THSD4: variants seen among roughly 807,000 people sequenced by gnomAD.
The protein encoded by THSD4 is thrombospondin type 1 domain containing 4, also known as thrombospondin type-1 domain-containing protein 4.
Under a neutral mutation model 119.0 loss-of-function variants are expected in THSD4, and 69 were observed. The observed-to-expected ratio is 0.58, with a 90% confidence interval of 0.48 to 0.71. The LOEUF (loss-of-function observed/expected upper bound fraction) is 0.71. Among genes scored for constraint, THSD4 ranks in the 30% least tolerant of loss-of-function variants. The probability of loss-of-function intolerance (pLI) is 0.00; values close to 1 mark genes in which losing one functional copy is unlikely to be tolerated. For missense variants in THSD4, 1,393 were observed against 1,391.1 expected, an observed-to-expected ratio of 1.00 and a Z score of -0.02; for synonymous variants, 524 against 540.4, an observed-to-expected ratio of 0.97 and a Z score of 0.42.
intron 3 of THSD4, among the ~76,000 whole-genome samples, chr15:71,199,756 T>TG (rs1444781222): frequency 3.8e-5 from 5 of 131,710 alleles, no homozygotes; most frequent in African/African-American, 9.5e-5. Flanking sequence ...TGGGTGTGTG[T>TG]GATGTGTGTG....
At chr15:71,136,369 TGTCA>T (rs2040552359) in intron 1 of THSD4, among the ~76,000 whole-genome samples, 1 of 152,010 alleles carries the variant, frequency 6.6e-6, no homozygotes, top group African/African-American at 2.4e-5. Flanking sequence ...TTTGCGTAAA[TGTCA>T]GCAGGACAGG....
At chr15:71,587,772 A>AT (rs2049703275) in intron 7 of THSD4, among the ~76,000 whole-genome samples, 2 of 46,322 alleles carry the variant, frequency 4.3e-5, no homozygotes, top group Non-Finnish European at 1.1e-4. Flanking sequence ...TTAGAGTATA[A>AT]TAAAAAAAAA....
intron 2 of THSD4, among the ~76,000 whole-genome samples, chr15:71,152,508 C>A (rs1378091260): frequency 6.6e-6 from 1 of 152,118 alleles, no homozygotes; most frequent in Admixed American, 6.5e-5. Flanking sequence ...AGCTTCTTTT[C>A]TCCTCTAAGC....
intron 1 of THSD4, among the ~76,000 whole-genome samples, chr15:71,132,276 G>A (rs1370196941): frequency 4.6e-5 from 7 of 152,044 alleles, no homozygotes; most frequent in East Asian, 1.9e-4. Flanking sequence ...TTTATACAAC[G>A]GTGTTCATCA....
chr15:71,723,387 T>C (rs1473646868), intron 8 of THSD4, among the ~76,000 whole-genome samples: 3 of 152,220 alleles, frequency 2.0e-5, no homozygotes, highest in Non-Finnish European at 2.9e-5. Flanking sequence ...TGATTTTCAT[T>C]TCTTGAATTA....
intron 15 of THSD4, 41 bp from the exon 16 acceptor site, chr15:71,764,979 T>G (rs1236466194): frequency 6.3e-7 from 1 of 1,582,672 alleles, no homozygotes; most frequent in Non-Finnish European, 8.6e-7. Context: ...CCACCCCCTT[T>G]CCATCATGTG....
At chr15:71,455,522 G>A (rs2047326721) in intron 7 of THSD4, among the ~76,000 whole-genome samples, 1 of 152,138 alleles carries the variant, frequency 6.6e-6, no homozygotes, top group Non-Finnish European at 1.5e-5. Flanking sequence ...CCATGCTCCA[G>A]GGCAGCTTGT....
In THSD4 at chr15:71,782,709, T is replaced by C. The variant is rs1052746391; in HGVS notation, c.*5335T>C. The C allele has an allele frequency of 1.1e-4, 16 of 152,182 alleles. No homozygotes were observed. Among genetic ancestry groups the C allele is most frequent in the African/African-American group, 3.9e-4 (16 of 41,438 alleles). The allele number at this position is 152,182 out of a possible 1,614,324, so 9.4% of individuals were successfully genotyped here. ...TGCTAATCAGTCCAGTTCCCTGAGG[T>C]TTAAGATCAAATATAAATTACTCTG... is the stretch of plus-strand genomic sequence containing the variant. On this transcript the variant is annotated 3_prime_UTR_variant, in exon 18 of 18. Coordinates refer to ENST00000261862, the MANE Select transcript of THSD4 (RefSeq NM_024817.3).
At chr15:71,275,512 A>G (rs1379612853) in intron 6 of THSD4, among the ~76,000 whole-genome samples, 1 of 152,210 alleles carries the variant, frequency 6.6e-6, no homozygotes, top group Non-Finnish European at 1.5e-5. Context: ...TTTCAGAGTT[A>G]GATTTACAAC....
intron 8 of THSD4, among the ~76,000 whole-genome samples, chr15:71,700,000 A>G (rs1248744449): frequency 6.6e-6 from 1 of 152,230 alleles, no homozygotes; most frequent in Non-Finnish European, 1.5e-5. Context: ...GGAATTCAGT[A>G]GTATTCATCA....
chr15:71,738,083 TC>T, intron 11 of THSD4, 76 bp downstream of exon 11: 1 of 1,551,904 alleles, frequency 6.4e-7, no homozygotes, highest in Non-Finnish European at 8.7e-7. Context: ...AAGGCAGCGG[TC>T]CCCGGCTTTT....
At chr15:71,729,931 C>G (rs955783932) in intron 9 of THSD4, 6 of 152,148 alleles carry the variant, frequency 3.9e-5, no homozygotes, top group African/African-American at 1.4e-4. Flanking sequence ...GTGCCCACCA[C>G]GTTTCTGCAA....
intron 4 of THSD4, among the ~76,000 whole-genome samples, chr15:71,218,807 G>T (rs1895475668): frequency 6.6e-6 from 1 of 152,190 alleles, no homozygotes. Context: ...GAGTTTAGAT[G>T]TTTAAAAAAT....
At chr15:71,144,962 GAT>G (rs1039675686) in intron 2 of THSD4, among the ~76,000 whole-genome samples, 1 of 151,748 alleles carries the variant, frequency 6.6e-6, no homozygotes, top group African/African-American at 2.4e-5. Context: ...GGCACTAAAT[GAT>G]ACAGAATTAT....
At chr15:71,391,251 G>A (rs913996058) in intron 6 of THSD4, among the ~76,000 whole-genome samples, 1 of 152,052 alleles carries the variant, frequency 6.6e-6, no homozygotes. Context: ...GGATGGTCTT[G>A]ATCTCCTGAC....
intron 7 of THSD4, among the ~76,000 whole-genome samples, chr15:71,483,254 A>G (rs966947244): frequency 1.3e-5 from 2 of 152,172 alleles, no homozygotes; most frequent in South Asian, 2.1e-4. Context: ...ACAGTCTCCA[A>G]TACCTCAATT....
Position 71,777,645 on chromosome 15 carries a change from G to A in THSD4, c.*271G>A. On this transcript the variant is annotated 3_prime_UTR_variant, in exon 18 of 18. Transcript: ENST00000261862. ...CATCTGCTAATGGTGCCCTTTGAAAGTCAAGCAGTGGGAAGTACATGGAGC... is the reference window on the plus strand; with the variant it reads ...CATCTGCTAATGGTGCCCTTTGAAAATCAAGCAGTGGGAAGTACATGGAGC... 1 of 471,836 alleles carries A rather than the reference G, an allele frequency of 2.1e-6. No homozygotes were observed. The allele number at this position is 471,836 out of a possible 1,614,324, so 29.2% of individuals were successfully genotyped here.
intron 1 of THSD4, among the ~76,000 whole-genome samples, chr15:71,098,297 G>C (rs544772124): frequency 6.7e-6 from 1 of 150,302 alleles, no homozygotes; most frequent in Non-Finnish European, 1.5e-5. Flanking sequence ...CTGGGCTCAG[G>C]TGATCTTCCC....
chr15:71,384,382 C>CAA (rs924040278), intron 6 of THSD4, among the ~76,000 whole-genome samples: 1 of 144,294 alleles, frequency 6.9e-6, no homozygotes, highest in African/African-American at 2.6e-5. Context: ...GACTCCGTCT[C>CAA]AAAAAAAAAA....
Sources: gnomAD v4.1 joint callset for allele counts (sites outside exome capture counted in the v4.1 genomes callset) on GRCh38, gnomAD v4.1.1 for gene constraint, MANE v1.5 for transcripts, NCBI Gene and HGNC (gene_info 2026-07-23, HGNC 2026-07-21) for gene names.